ARHGAP12: variants seen among roughly 807,000 people sequenced by gnomAD.
ARHGAP12 encodes Rho GTPase activating protein 12.
A neutral mutation model predicts 108.6 loss-of-function variants in ARHGAP12; 64 were observed. The observed-to-expected ratio is 0.59, with a 90% CI of 0.48 to 0.73. ARHGAP12 has a LOEUF of 0.73. Among genes scored for constraint, ARHGAP12 ranks in the 30% least tolerant of loss-of-function variants. ARHGAP12 has a pLI of 0.00. For synonymous variants in ARHGAP12, 312 were observed against 337.2 expected (o/e 0.93, Z 0.82); for missense variants, 940 against 1,005.9 (o/e 0.93, Z 0.89).
intron 9 of ARHGAP12, among the ~76,000 whole-genome samples, chr10:31,838,903 G>A (rs1008880133): frequency 1.3e-5 from 2 of 151,752 alleles, no homozygotes; most frequent in East Asian, 3.9e-4. Context: ...TAGGGAGGCT[G>A]AGACGGGAGA....
At chr10:31,926,564 C>A (rs2132514512) in intron 1 of ARHGAP12, among the ~76,000 whole-genome samples, 1 of 152,282 alleles carries the variant, frequency 6.6e-6, no homozygotes, top group South Asian at 2.1e-4. Flanking sequence ...AACTGTGATG[C>A]CCATTTTCTC....
intron 1 of ARHGAP12, among the ~76,000 whole-genome samples, chr10:31,917,284 T>C (rs192538960): frequency 2.0e-5 from 3 of 152,180 alleles, no homozygotes; most frequent in Admixed American, 1.3e-4. Flanking sequence ...AGCACGTGCC[T>C]GTAATCCCAG....
At chr10:31,817,989 C>G (rs1398229824) in intron 12 of ARHGAP12, 103 bp from the exon 13 acceptor site, 1 of 785,216 alleles carries the variant, frequency 1.3e-6, no homozygotes, top group African/African-American at 1.8e-5. Context: ...CCAAGAGTAG[C>G]TGCCATATAT....
At position 31,854,633 on chromosome 10, in the gene ARHGAP12, T is replaced by C. The variant is rs534615894; in HGVS notation, c.949-427A>G. Among the ~76,000 whole-genome samples the C allele has an allele frequency of 3.3e-5, 5 of 152,316 alleles. No individual in the cohort carries two copies. The East Asian group carries it at 9.7e-4, about 29-fold the overall frequency. On this transcript the variant is annotated intron_variant, in intron 4 of 19. Coordinates refer to ENST00000344936, the MANE Select transcript of ARHGAP12 (RefSeq NM_018287.7). ...CATGTACCACAAGCATATAGCCACATGCAAGGCAAACAACCCTGCTCAATA... is the reference window on the plus strand; with the variant it reads ...CATGTACCACAAGCATATAGCCACACGCAAGGCAAACAACCCTGCTCAATA...
chr10:31,816,345 G>A (rs1047354959), intron 13 of ARHGAP12, among the ~76,000 whole-genome samples: 2 of 152,026 alleles, frequency 1.3e-5, no homozygotes, highest in Non-Finnish European at 2.9e-5. Context: ...CTTAATTGGT[G>A]TTTTTACAGA....
chr10:31,926,164 A>ACTTC, intron 1 of ARHGAP12, among the ~76,000 whole-genome samples: 1 of 152,096 alleles, frequency 6.6e-6, no homozygotes, highest in Non-Finnish European at 1.5e-5. Flanking sequence ...TCAACAGGGG[A>ACTTC]AGGAGGCTTA....
At chr10:31,839,784 A>C (rs1836189758) in intron 7 of ARHGAP12, 73 bp from the exon 8 acceptor site, 1 of 1,243,442 alleles carries the variant, frequency 8.0e-7, no homozygotes, top group South Asian at 1.5e-5. Context: ...TCACAGTGGG[A>C]GAGCTTAGTA....
chr10:31,885,776 G>A lies in ARHGAP12; in HGVS notation c.684+22396C>T, dbSNP rs551446063. Among the ~76,000 whole-genome samples the A allele has an allele frequency of 1.1e-4, 16 of 149,762 alleles. No homozygotes were observed. The East Asian group carries it at 3.1e-3, about 29-fold the overall frequency. On this transcript the variant is annotated intron_variant, in intron 3 of 19. Coordinates refer to ENST00000344936, the MANE Select transcript of ARHGAP12 (RefSeq NM_018287.7). ...AGAGGTTGCAGTGAGCCAAGATCCC[G>A]CTCCTGCACTCCAACCTGGGTGACA...
chr10:31,903,970 G>A (rs1183699341), intron 3 of ARHGAP12, among the ~76,000 whole-genome samples: 1 of 152,178 alleles, frequency 6.6e-6, no homozygotes, highest in Non-Finnish European at 1.5e-5. Flanking sequence ...AAATGCTGGT[G>A]AGCACGCGGA....
At chr10:31,842,864 AAAG>A (rs1836319987) in intron 7 of ARHGAP12, among the ~76,000 whole-genome samples, 1 of 152,100 alleles carries the variant, frequency 6.6e-6, no homozygotes, top group African/African-American at 2.4e-5. Flanking sequence ...AGTAACCTCT[AAAG>A]AAGTGTTTAA....
chr10:31,918,027 C>T (rs1017733089), intron 1 of ARHGAP12, among the ~76,000 whole-genome samples: 1 of 151,628 alleles, frequency 6.6e-6, no homozygotes, highest in African/African-American at 2.4e-5. Context: ...ACCATCATAG[C>T]TCACTGCAGC....
chr10:31,880,978 A>G (rs1837928388), intron 3 of ARHGAP12, among the ~76,000 whole-genome samples: 1 of 151,756 alleles, frequency 6.6e-6, no homozygotes, highest in Non-Finnish European at 1.5e-5. Flanking sequence ...TGGAAGGATT[A>G]CTTGAGCTCA....
intron 3 of ARHGAP12, among the ~76,000 whole-genome samples, chr10:31,879,501 TATA>T (rs1257370440): frequency 7.2e-5 from 11 of 152,220 alleles, no homozygotes; most frequent in Non-Finnish European, 1.6e-4. Context: ...ATTTTGAAAA[TATA>T]ATTTTATTAG....
chr10:31,924,567 TTC>T (rs1164281523), intron 1 of ARHGAP12, among the ~76,000 whole-genome samples: 1 of 152,224 alleles, frequency 6.6e-6, no homozygotes, highest in Admixed American at 6.5e-5. Context: ...CCATAGATCA[TTC>T]TTTTTTATTG....
chr10:31,825,149 G>A (rs564365279), intron 11 of ARHGAP12, among the ~76,000 whole-genome samples: 8 of 152,244 alleles, frequency 5.3e-5, no homozygotes, highest in Non-Finnish European at 8.8e-5. Context: ...GTTCACATCC[G>A]TGCTCAATTC....
chr10:31,901,534 CAAAAAAAAAAAA>C (rs61402251), intron 3 of ARHGAP12, among the ~76,000 whole-genome samples: 6 of 64,280 alleles, frequency 9.3e-5, no homozygotes, highest in African/African-American at 2.4e-4. Flanking sequence ...AACCTGGTCT[CAAAAAAAAAAAA>C]AAAAAAAAAA....
In ARHGAP12 at chr10:31,928,780, G is replaced by A. The variant is rs1592401923; in HGVS notation, c.-208C>T. 1 of 151,922 alleles carries A rather than the reference G, an allele frequency of 6.6e-6. No individual in the cohort carries two copies. Among genetic ancestry groups the A allele is most frequent in the Admixed American group, 6.6e-5 (1 of 15,262 alleles). 9.4% of individuals were successfully genotyped at this position (151,922 alleles called of 1,614,324 possible). A position where few individuals can be genotyped will look rare whatever the true frequency, so the allele number is the denominator to read the frequency against. On this transcript the variant is annotated 5_prime_UTR_variant, in exon 1 of 20. Transcript: ENST00000344936. ...GCCCGAAGAGCGTTCACACGGCTAC[G>A]GCCGCGGCCGGCCCGTCCCCGCAGG...
At chr10:31,895,575 T>C (rs910115050) in intron 3 of ARHGAP12, among the ~76,000 whole-genome samples, 1 of 152,120 alleles carries the variant, frequency 6.6e-6, no homozygotes, top group African/African-American at 2.4e-5. Flanking sequence ...TGGCGATCAT[T>C]AAAAAGTCAG....
intron 3 of ARHGAP12, among the ~76,000 whole-genome samples, chr10:31,899,049 C>T (rs543613591): frequency 6.6e-6 from 1 of 152,238 alleles, no homozygotes; most frequent in South Asian, 2.1e-4. Flanking sequence ...AACATTTAGT[C>T]AAGTGCAAGA....
Sources: allele counts gnomAD v4.1 joint callset (sites outside exome capture counted in the v4.1 genomes callset), GRCh38; gene constraint gnomAD v4.1.1; transcripts MANE v1.5; gene names NCBI Gene and HGNC (gene_info 2026-07-23, HGNC 2026-07-21).